Variants in C2orf81 observed in about 807,000 individuals in gnomAD.
C2orf81 encodes chromosome 2 open reading frame 81.
In C2orf81, 5 loss-of-function variants were observed where a neutral mutation model predicts 7.9. The observed-to-expected ratio is 0.63, with a 90% CI of 0.33 to 1.33. The LOEUF (loss-of-function observed/expected upper bound fraction) is 1.33. C2orf81 is among the 40% of genes most tolerant of loss of function. The pLI is 0.05. For missense variants in C2orf81, 781 were observed against 830.4 expected (o/e 0.94, Z 0.73); for synonymous variants, 346 against 367.4 (o/e 0.94, Z 0.66).
intron 1 of C2orf81, chr2:74,418,135 G>C (rs897486479): frequency 7.1e-6 from 6 of 840,756 alleles, no homozygotes; most frequent in Non-Finnish European, 1.0e-5. Context: ...CTCCTCCAGT[G>C]AGGACTCCTG....
chr2:74,415,108 C>G lies in C2orf81; in HGVS notation c.1069G>C (p.Asp357His), dbSNP rs533816628. The change falls in exon 3 of 3, where the codon GAT (aspartate) becomes CAT (histidine). Residue 357 changes from aspartate (D) to histidine (H), a missense_variant. Coordinates refer to ENST00000684111, the MANE Select transcript of C2orf81 (RefSeq NM_001316764.3). This position sits in a 1 kb window ranked among gnomAD's most constrained non-coding sequence, Gnocchi z 5.5. ...TGGTGGTGGGCGCTCAGCCGCACAT[C>G]CGAGTGCCCGGCCCGCTGCTGCTGG... is the stretch of plus-strand genomic sequence containing the variant. The part of the protein sequence containing the change: ...SCQQQRAGHS[D>H]VRLSAHHHRM... 56 of 1,523,600 alleles carry G rather than the reference C, an allele frequency of 3.7e-5. No homozygotes were observed. The South Asian group carries it at 6.2e-4, about 17-fold the overall frequency. The allele number at this position is 1,523,600 out of a possible 1,614,324, so 94.4% of individuals were successfully genotyped here.
rs1191029218 is a variant in C2orf81 at position 74,415,388 on chromosome 2, C to T, written c.789G>A (p.Ser263=). Residue 263 remains serine (S), a synonymous_variant, in exon 3 of 3, where the codon TCG becomes TCA. Coordinates refer to ENST00000684111, the MANE Select transcript of C2orf81 (RefSeq NM_001316764.3). This position sits in a 1 kb window ranked among gnomAD's most constrained non-coding sequence, Gnocchi z 5.5. The part of the protein sequence containing the change: ...AGSLSASFQL[S]VEEAPADDAD... ...CATCGTCGGCAGGCGCCTCCTCCACCGACAGTTGGAAGCTCGCGCTCAAGG... is the reference window on the plus strand; with the variant it reads ...CATCGTCGGCAGGCGCCTCCTCCACTGACAGTTGGAAGCTCGCGCTCAAGG... 2.0e-6 allele frequency: 3 copies of T among 1,521,028 alleles called. No homozygotes were observed. In the East Asian group the frequency reaches 7.4e-5, roughly 38 times the overall value. 94.2% of individuals were successfully genotyped at this position (1,521,028 alleles called of 1,614,324 possible).
rs1676388316 is a variant in C2orf81 at position 74,414,644 on chromosome 2, G to A, written c.1533C>T (p.Ala511=). 1 of 1,549,830 alleles carries A rather than the reference G, an allele frequency of 6.5e-7. No individual in the cohort carries two copies. The highest frequency in any genetic ancestry group is 1.2e-5 in the South Asian group (1 of 83,854). Residue 511 remains alanine, a synonymous_variant, in exon 3 of 3, where the codon GCC becomes GCT. Coordinates refer to ENST00000684111, the MANE Select transcript of C2orf81 (RefSeq NM_001316764.3). The surrounding 1 kb of genome is among the most constrained non-coding windows in gnomAD (Gnocchi z 5.3). The part of the protein sequence containing the change: ...VRWPSGWEGK[A]ELLGELWAGR... ...CAGCCCACAGCTCGCCCAGCAGCTCGGCCTTCCCCTCCCAACCGCTGGGCC... is the reference window on the plus strand; with the variant it reads ...CAGCCCACAGCTCGCCCAGCAGCTCAGCCTTCCCCTCCCAACCGCTGGGCC...
intron 1 of C2orf81, chr2:74,418,548 C>G: frequency 2.6e-6 from 2 of 777,736 alleles, no homozygotes; most frequent in Non-Finnish European, 2.2e-6. Context: ...CGGTGCTGGG[C>G]GCTGAGGACA....
chr2:74,417,353 G>A, intron 1 of C2orf81: 1 of 1,307,164 alleles, frequency 7.7e-7, no homozygotes, highest in African/African-American at 1.5e-5. Context: ...CCCACCTCAG[G>A]TAGCTGCCAC....
At position 74,415,593 on chromosome 2, in the gene C2orf81, G is replaced by A. The variant is rs529573479; in HGVS notation, c.584C>T (p.Pro195Leu). 1 of 1,551,282 alleles carries A rather than the reference G, an allele frequency of 6.4e-7. No homozygotes were observed. Among genetic ancestry groups the A allele is most frequent in the East Asian group, 2.4e-5 (1 of 40,914 alleles). Residue 195 changes from proline to leucine, a missense_variant, in exon 3 of 3, where the codon CCT becomes CTT. By Grantham distance (98) the Pro-to-Leu change is moderately conservative. Transcript: ENST00000684111. This position sits in a 1 kb window ranked among gnomAD's most constrained non-coding sequence, Gnocchi z 5.5. The part of the protein sequence containing the change: ...PQDPGGVDRI[P>L]LGRSWMGRGS... The stretch of plus-strand genomic sequence containing the variant: ...TCGACCCATCCACGACCTTCCTAAA[G>A]GGATCCGGTCCACGCCCCCAGGGTC...
chr2:74,414,552 C>A lies in C2orf81; in HGVS notation c.1625G>T (p.Trp542Leu). 18 of 1,540,840 alleles carry A rather than the reference C, an allele frequency of 1.2e-5. No homozygotes were observed. The highest frequency in any genetic ancestry group is 1.6e-5 in the Non-Finnish European group (18 of 1,139,572). The change falls in exon 3 of 3, where the codon TGG (tryptophan) becomes TTG (leucine). Residue 542 changes from tryptophan (W) to leucine (L), a missense_variant. Physicochemically the swap from Trp to Leu is moderately conservative, Grantham distance 61 (BLOSUM62 -2). Coordinates refer to ENST00000684111, the MANE Select transcript of C2orf81 (RefSeq NM_001316764.3). The surrounding 1 kb of genome is among the most constrained non-coding windows in gnomAD (Gnocchi z 5.3). Reference protein sequence around the residue: ...ADREGQDPGRWPRTTPPVLEA... With the variant: ...ADREGQDPGRLPRTTPPVLEA... ...AAGGACCGGGGGTGTGGTTCGAGGC[C>A]ATCTGCCAGGATCCTGGCCCTCCCT...
chr2:74,418,340 C>T, intron 1 of C2orf81: 1 of 1,603,882 alleles, frequency 6.2e-7, no homozygotes, highest in East Asian at 2.2e-5. Flanking sequence ...CTGGGACTCA[C>T]CGGAGGCTGC....
intron 1 of C2orf81, chr2:74,418,086 G>A (rs1676514428): frequency 4.5e-6 from 3 of 666,952 alleles, no homozygotes; most frequent in African/African-American, 1.8e-5. Context: ...GTGGGGGGTT[G>A]GGAGCAGATC....
In C2orf81 at chr2:74,414,834, G is replaced by T. The variant is rs1019269683; in HGVS notation, c.1343C>A (p.Ser448Ter). The T allele has an allele frequency of 1.6e-5, 25 of 1,551,308 alleles. No homozygotes were observed. Among genetic ancestry groups the T allele is most frequent in the African/African-American group, 2.7e-5 (2 of 73,050 alleles). ...AGTGGGGAACAGGAGTGCGGGGCCC[G>T]AGTCCAAGTCACGGAAAGGAATGCC... ...RPGIPFRDLD[S>*]GPALLFPTLN... The change falls in exon 3 of 3, where the codon TCG (serine) becomes TAG (stop). Residue 448 changes from serine (S) to a stop codon, truncating the protein, a stop_gained. Transcript: ENST00000684111. LOFTEE classifies it low-confidence loss of function (END_TRUNC). The surrounding 1 kb of genome is among the most constrained non-coding windows in gnomAD (Gnocchi z 5.3).
chr2:74,420,303 C>A (rs2103843358), intron 1 of C2orf81, among the ~76,000 whole-genome samples: 1 of 151,538 alleles, frequency 6.6e-6, no homozygotes, highest in East Asian at 1.9e-4. Flanking sequence ...AAAAAAAAGA[C>A]TAGTCCCCAA....
At position 74,415,615 on chromosome 2, in the gene C2orf81, G is replaced by A. The variant is rs765024220; in HGVS notation, c.562C>T (p.Pro188Ser). 4 of 1,551,118 alleles carry A rather than the reference G, an allele frequency of 2.6e-6. No individual in the cohort carries two copies. Reference sequence around the variant, plus strand: ...AAAGGGATCCGGTCCACGCCCCCAGGGTCCTGGGGAAATGCACTCGGGCAG... The same window carrying A: ...AAAGGGATCCGGTCCACGCCCCCAGAGTCCTGGGGAAATGCACTCGGGCAG... ...SHCPSAFPQD[P>S]GGVDRIPLGR... Residue 188 changes from proline (P) to serine (S), a missense_variant, in exon 3 of 3, where the codon CCT (proline) becomes TCT (serine). Transcript: ENST00000684111. This position sits in a 1 kb window ranked among gnomAD's most constrained non-coding sequence, Gnocchi z 5.5.
chr2:74,417,448 G>A (rs1490172149), intron 1 of C2orf81: 1 of 1,310,304 alleles, frequency 7.6e-7, no homozygotes, highest in Non-Finnish European at 1.0e-6. Context: ...GACGGTAAGG[G>A]GGCTGGGGCC....
At chr2:74,417,656 A>C (rs1676502573) in intron 1 of C2orf81, 3 of 755,838 alleles carry the variant, frequency 4.0e-6, no homozygotes, top group Non-Finnish European at 1.9e-6. Context: ...TGCTGCCAGG[A>C]CAGTGGAGTG....
Position 74,414,792 on chromosome 2 carries a change from G to A in C2orf81, c.1385C>T (p.Ser462Leu), listed in dbSNP as rs1424712295. 6.4e-7 allele frequency: 1 copy of A among 1,551,594 alleles called. No homozygotes were observed. Among genetic ancestry groups the A allele is most frequent in the Admixed American group, 2.0e-5 (1 of 51,008 alleles). The change falls in exon 3 of 3, where the codon TCG (serine) becomes TTG (leucine). Residue 462 changes from serine (S) to leucine (L), a missense_variant. Coordinates refer to ENST00000684111, the MANE Select transcript of C2orf81 (RefSeq NM_001316764.3). The surrounding 1 kb of genome is among the most constrained non-coding windows in gnomAD (Gnocchi z 5.3). ...LLFPTLNLGL[S>L]SPSLESKLPL... ...CAGCTTTGACTCGAGGGATGGCGAC[G>A]ATAGGCCTAAATTTAAAGTGGGGAA... is the stretch of plus-strand genomic sequence containing the variant.
chr2:74,417,970 G>A (rs564976435), intron 1 of C2orf81, among the ~76,000 whole-genome samples: 12 of 151,558 alleles, frequency 7.9e-5, no homozygotes, highest in Non-Finnish European at 1.3e-4. Flanking sequence ...GACCTGCAGC[G>A]GCTGGTGTGT....
At chr2:74,419,316 G>A (rs1282532060) in intron 1 of C2orf81, among the ~76,000 whole-genome samples, 1 of 152,164 alleles carries the variant, frequency 6.6e-6, no homozygotes, top group Non-Finnish European at 1.5e-5. Context: ...TTCAAGTCCA[G>A]CTTGGGCTAT....
At chr2:74,417,157 A>G (rs1213146655) in intron 1 of C2orf81, among the ~76,000 whole-genome samples, 1 of 152,260 alleles carries the variant, frequency 6.6e-6, no homozygotes, top group Admixed American at 6.5e-5. Flanking sequence ...ACATTGAACC[A>G]AAAACAAAAC....
chr2:74,415,469 G>C lies in C2orf81; in HGVS notation c.708C>G (p.Pro236=), dbSNP rs540493219. 12 of 1,536,672 alleles carry C rather than the reference G, an allele frequency of 7.8e-6. No homozygotes were observed. Among genetic ancestry groups the C allele is most frequent in the African/African-American group, 1.4e-5 (1 of 72,782 alleles). ...CGTCCGCTTCCTCTACAGGACCTCC[G>C]GGCCCTGCCTCCTGAAACAGCTCTG... ...PTSELFQEAG[P]GGPVEEADGQ... The change falls in exon 3 of 3, where the codon CCC becomes CCG. Residue 236 remains proline (P), a synonymous_variant. Coordinates refer to ENST00000684111, the MANE Select transcript of C2orf81 (RefSeq NM_001316764.3). This position sits in a 1 kb window ranked among gnomAD's most constrained non-coding sequence, Gnocchi z 5.5.
Sources: allele counts gnomAD v4.1 joint callset (sites outside exome capture counted in the v4.1 genomes callset), GRCh38; gene constraint gnomAD v4.1.1; non-coding constraint Gnocchi (gnomAD v3.1); transcripts MANE v1.5; gene names NCBI Gene and HGNC (gene_info 2026-07-23, HGNC 2026-07-21).